Variants in GTF3C5 observed in about 807,000 individuals in gnomAD.
GTF3C5 encodes general transcription factor IIIC subunit 5.
Under a neutral mutation model 61.0 loss-of-function variants are expected in GTF3C5, and 47 were observed. The ratio of observed to expected loss-of-function variants is 0.77; its 90% CI spans 0.61 to 0.98. GTF3C5 has a LOEUF of 0.98. Ranked by LOEUF, GTF3C5 falls within the 50% of genes least tolerant of loss-of-function variation. The pLI is 0.00. For synonymous variants in GTF3C5, 295 were observed against 275.4 expected, an observed-to-expected ratio of 1.07 and a Z score of -0.71; for missense variants, 659 against 703.3, an observed-to-expected ratio of 0.94 and a Z score of 0.71.
intron 1 of GTF3C5, among the ~76,000 whole-genome samples, chr9:133,040,255 T>G (rs973757362): frequency 1.3e-5 from 2 of 152,190 alleles, no homozygotes; most frequent in African/African-American, 4.8e-5. Flanking sequence ...GAACCAAGTC[T>G]TCTTCATTCT....
chr9:133,053,987 A>G, intron 6 of GTF3C5, 45 bp downstream of exon 6: 1 of 1,160,482 alleles, frequency 8.6e-7, no homozygotes, highest in Admixed American at 1.9e-5. Context: ...CTCTCTCTTT[A>G]TCTTTCAGTT....
At chr9:133,031,215 A>G in intron 1 of GTF3C5, 51 bp downstream of exon 1, 1 of 1,473,590 alleles carries the variant, frequency 6.8e-7, no homozygotes, top group Non-Finnish European at 9.1e-7. Flanking sequence ...AGTCGCAAAG[A>G]AAACGAGCAC....
At chr9:133,032,498 G>T (rs936416368) in intron 1 of GTF3C5, among the ~76,000 whole-genome samples, 1 of 152,116 alleles carries the variant, frequency 6.6e-6, no homozygotes, top group African/African-American at 2.4e-5. Flanking sequence ...CAAGGGAGTT[G>T]AACAAGCTGA....
At chr9:133,043,689 TG>T in intron 2 of GTF3C5, 38 bp from the exon 3 acceptor site, 1 of 1,544,754 alleles carries the variant, frequency 6.5e-7, no homozygotes, top group Non-Finnish European at 9.0e-7. Flanking sequence ...TGCCCATTCC[TG>T]GACTCAATGT....
intron 3 of GTF3C5, among the ~76,000 whole-genome samples, chr9:133,045,699 C>T (rs539506744): frequency 2.6e-5 from 4 of 152,248 alleles, no homozygotes; most frequent in South Asian, 2.1e-4. Context: ...TGCAGTGGCG[C>T]GATCTTGGCT....
upstream of GTF3C5, chr9:133,030,829 G>T (rs1207061291): frequency 2.8e-6 from 2 of 713,880 alleles, no homozygotes; most frequent in African/African-American, 3.6e-5. Flanking sequence ...TTTTCCCGAA[G>T]ACATGGGCCC....
intron 1 of GTF3C5, among the ~76,000 whole-genome samples, chr9:133,031,900 A>G (rs1849743903): frequency 6.6e-6 from 1 of 152,182 alleles, no homozygotes; most frequent in Admixed American, 6.5e-5. Context: ...GACTAAGGAC[A>G]GAGCAGGTGA....
In GTF3C5 at chr9:133,053,901, A is replaced by G. The variant is rs1345216877; in HGVS notation, c.947A>G (p.Tyr316Cys). The G allele has an allele frequency of 1.2e-6, 2 of 1,613,212 alleles. No individual in the cohort carries two copies. Among genetic ancestry groups the G allele is most frequent in the South Asian group, 2.2e-5 (2 of 91,050 alleles). The change falls in exon 6 of 11, where the codon TAT becomes TGT. Residue 316 changes from tyrosine (Y) to cysteine (C), a missense_variant. Coordinates refer to ENST00000372097, the MANE Select transcript of GTF3C5 (RefSeq NM_012087.4). ...DPRKNPDAKI[Y>C]QVLDFRIRCG... Reference sequence around the variant, plus strand: ...CGAAAAAACCCAGATGCCAAGATTTATCAAGTCCTCGATTTCCGAATCCGT... The same window carrying G: ...CGAAAAAACCCAGATGCCAAGATTTGTCAAGTCCTCGATTTCCGAATCCGT...
At chr9:133,046,208 A>G (rs1384561682) in intron 3 of GTF3C5, among the ~76,000 whole-genome samples, 2 of 152,126 alleles carry the variant, frequency 1.3e-5, no homozygotes, top group Admixed American at 6.6e-5. Context: ...GTGCACCTGT[A>G]TAGCCCTAGC....
At position 133,043,822 on chromosome 9, in the gene GTF3C5, G is replaced by C; in HGVS notation, c.468G>C (p.Lys156Asn). 4 of 1,614,106 alleles carry C rather than the reference G, an allele frequency of 2.5e-6. No homozygotes were observed. The highest frequency in any genetic ancestry group is 2.5e-6 in the Non-Finnish European group (3 of 1,179,966). ...YDKVLMLRPE[K>N]EAFFHQELPL... The stretch of plus-strand genomic sequence containing the variant: ...AGGTGCTCATGCTCCGGCCCGAGAA[G>C]GAGGCCTTTTTCCACCAGGAGCTGC... Residue 156 changes from lysine to asparagine, a missense_variant, in exon 3 of 11, where the codon AAG becomes AAC. Transcript: ENST00000372097.
chr9:133,055,352 G>A (rs1376114291), intron 8 of GTF3C5: 1 of 1,328,862 alleles, frequency 7.5e-7, no homozygotes, highest in East Asian at 4.7e-5. Flanking sequence ...ACCTGCTGAG[G>A]GAGTGGGTGG....
At position 133,031,173 on chromosome 9, in the gene GTF3C5, C is replaced by T; in HGVS notation, c.153+9C>T. The T allele has an allele frequency of 1.3e-6, 2 of 1,557,624 alleles. No homozygotes were observed. Among genetic ancestry groups the T allele is most frequent in the East Asian group, 2.4e-5 (1 of 41,786 alleles). On this transcript the variant is annotated intron_variant, in intron 1 of 10. Transcript: ENST00000372097. ...AGGAAGGCGTCTCCCGGGTAAGGGG[C>T]TGGGAATCTCGGTGTTGGAATAAGA...
At chr9:133,046,017 A>C (rs1446154566) in intron 3 of GTF3C5, among the ~76,000 whole-genome samples, 2 of 152,150 alleles carry the variant, frequency 1.3e-5, no homozygotes, top group Non-Finnish European at 2.9e-5. Flanking sequence ...AGCTTCCAAA[A>C]ATGCAGCCCT....
chr9:133,041,975 G>A, intron 1 of GTF3C5, 112 bp from the exon 2 acceptor site: 1 of 695,092 alleles, frequency 1.4e-6, no homozygotes, highest in Non-Finnish European at 2.5e-6. Context: ...TGAAACATGA[G>A]CCTCCTGGCC....
chr9:133,054,585 C>A, intron 7 of GTF3C5, 97 bp downstream of exon 7: 1 of 1,425,572 alleles, frequency 7.0e-7, no homozygotes, highest in Non-Finnish European at 9.7e-7. Flanking sequence ...GGGGGTCACT[C>A]CAGGGCTCTG....
intron 7 of GTF3C5, 42 bp from the exon 8 acceptor site, chr9:133,054,670 C>T (rs1829874870): frequency 6.6e-7 from 1 of 1,512,232 alleles, no homozygotes; most frequent in African/African-American, 1.4e-5. Context: ...ACACCTCCTC[C>T]CCACCCTGCA....
intron 1 of GTF3C5, among the ~76,000 whole-genome samples, chr9:133,038,815 C>G (rs1223115228): frequency 6.6e-6 from 1 of 151,970 alleles, no homozygotes; most frequent in African/African-American, 2.4e-5. Context: ...GGCACTGGTG[C>G]CAGGAATGCA....
rs756096172 is a variant in GTF3C5, at chr9:133,057,932, C to T, written c.1512C>T (p.Ser504=). 68 of 1,613,806 alleles carry T rather than the reference C, an allele frequency of 4.2e-5. No homozygotes were observed. The highest frequency in any genetic ancestry group is 2.1e-4 in the African/African-American group (16 of 74,904). ...AGGAGGAGGAGGACTTCAAGCCATC[C>T]GACGGCAGTGAAAACGAAATGGAGA... ...EEEEEEDFKP[S]DGSENEMETE... is the part of the protein sequence containing the mutation. Residue 504 remains serine, a synonymous_variant, in exon 11 of 11, where the codon TCC becomes TCT. Coordinates refer to ENST00000372097, the MANE Select transcript of GTF3C5 (RefSeq NM_012087.4).
At chr9:133,036,969 T>C (rs997480598) in intron 1 of GTF3C5, among the ~76,000 whole-genome samples, 10 of 152,102 alleles carry the variant, frequency 6.6e-5, no homozygotes, top group African/African-American at 2.4e-4. Context: ...AGGGCAGCTA[T>C]CCGTTCTGTA....
Sources: allele counts gnomAD v4.1 joint callset (sites outside exome capture counted in the v4.1 genomes callset), GRCh38; gene constraint gnomAD v4.1.1; transcripts MANE v1.5; gene names NCBI Gene and HGNC (gene_info 2026-07-23, HGNC 2026-07-21).